Variants in CDH13 observed in about 807,000 individuals in gnomAD.
CDH13 encodes the protein cadherin-13.
CDH13 carries 24 observed loss-of-function variants against 63.8 expected under a neutral mutation model. The observed-to-expected ratio is 0.38, with a 90% CI of 0.27 to 0.53. The LOEUF is 0.53. Ranked by LOEUF, CDH13 falls within the 20% of genes least tolerant of loss-of-function variation. The probability of loss-of-function intolerance (pLI) is 0.85; values close to 1 mark genes in which losing one functional copy is unlikely to be tolerated. For missense variants in CDH13, 1,049 were observed against 903.1 expected, an observed-to-expected ratio of 1.16 and a Z score of -2.07; for synonymous variants, 503 against 355.3, an observed-to-expected ratio of 1.42 and a Z score of -4.67.
chr16:82,717,229 A>G (rs570699291), intron 1 of CDH13, among the ~76,000 whole-genome samples: 1 of 152,136 alleles, frequency 6.6e-6, no homozygotes, highest in East Asian at 1.9e-4. Context: ...AGAGGATGCC[A>G]AATCACATAA....
rs186961581 is a variant in CDH13, at chr16:83,340,465, G to C, written c.637-4397G>C. On this transcript the variant is annotated intron_variant, in intron 5 of 13. Coordinates refer to ENST00000567109, the MANE Select transcript of CDH13 (RefSeq NM_001257.5). ...GTGGCAAGACTCAGCCTCCTGTTTG[G>C]AGCTTATTTTATTTTCCTATAGCTG... Among the ~76,000 whole-genome samples, 535 of 152,266 alleles carry C rather than the reference G, an allele frequency of 3.5e-3. 2 individuals are homozygous for C. The highest frequency in any genetic ancestry group is 5.5e-3 in the Non-Finnish European group (372 of 68,016).
chr16:83,659,407 C>A (rs902857007), intron 8 of CDH13, among the ~76,000 whole-genome samples: 4 of 152,216 alleles, frequency 2.6e-5, no homozygotes, highest in East Asian at 3.9e-4. Flanking sequence ...ACACCAGGTC[C>A]CATGTCCTCA....
At chr16:83,003,773 G>A (rs930463640) in intron 2 of CDH13, among the ~76,000 whole-genome samples, 4 of 152,236 alleles carry the variant, frequency 2.6e-5, no homozygotes, top group African/African-American at 9.6e-5. Flanking sequence ...AGGTTCCTTA[G>A]AATGTTTGCT....
chr16:83,461,077 A>G (rs1477500777), intron 6 of CDH13, among the ~76,000 whole-genome samples: 2 of 152,064 alleles, frequency 1.3e-5, no homozygotes, highest in African/African-American at 4.8e-5. Flanking sequence ...GGCTAAGATC[A>G]TGGAGGAACA....
In CDH13 at chr16:83,406,211, C is replaced by T. The variant is rs139372383; in HGVS notation, c.781+61205C>T. ...TGCTCTCTGCAGGTCCCCAGTAGGACTGAGCTGCGGTAGCGCCCGGTGGTA... is the reference window on the plus strand; with the variant it reads ...TGCTCTCTGCAGGTCCCCAGTAGGATTGAGCTGCGGTAGCGCCCGGTGGTA... On this transcript the variant is annotated intron_variant, in intron 6 of 13. Transcript: ENST00000567109. Among the ~76,000 whole-genome samples the T allele has an allele frequency of 1.9e-3, 295 of 152,324 alleles. 1 individual carries two copies. Among genetic ancestry groups the T allele is most frequent in the Admixed American group, 3.5e-3 (54 of 15,294 alleles).
chr16:83,179,346 CT>C (rs937463559), intron 4 of CDH13, among the ~76,000 whole-genome samples: 3 of 151,866 alleles, frequency 2.0e-5, no homozygotes, highest in Non-Finnish European at 4.4e-5. Flanking sequence ...CATGATTTTA[CT>C]ATCAACAAAA....
At chr16:83,161,519 T>G (rs73604287) in intron 4 of CDH13, among the ~76,000 whole-genome samples, 10 of 152,252 alleles carry the variant, frequency 6.6e-5, no homozygotes, top group Middle Eastern at 6.8e-3. Flanking sequence ...TAGAAACAGA[T>G]AAAGTTCAAG....
chr16:83,565,713 A>T (rs933305251), intron 7 of CDH13, among the ~76,000 whole-genome samples: 1 of 151,518 alleles, frequency 6.6e-6, no homozygotes, highest in African/African-American at 2.4e-5. Context: ...TATTCTTTTC[A>T]GGCTTATGAC....
chr16:83,674,827 T>G lies in CDH13; in HGVS notation c.1285-3381T>G, dbSNP rs548814309. Among the ~76,000 whole-genome samples, 7 of 152,348 alleles carry G rather than the reference T, an allele frequency of 4.6e-5. No individual in the cohort carries two copies. In the South Asian group the frequency reaches 1.5e-3, roughly 32 times the overall value. ...GATTCTAAAACCACCAGAAAGTTAT[T>G]CTTTCAGCTGAATATAATCAACCCT... On this transcript the variant is annotated intron_variant, in intron 9 of 13. Transcript: ENST00000567109.
chr16:82,995,949 C>T (rs534113575), intron 2 of CDH13, among the ~76,000 whole-genome samples: 38 of 152,202 alleles, frequency 2.5e-4, no homozygotes, highest in South Asian at 8.3e-4. Flanking sequence ...ATCCTCATAC[C>T]CTTTATCAAA....
intron 1 of CDH13, among the ~76,000 whole-genome samples, chr16:82,766,193 C>G (rs1046571481): frequency 7.9e-5 from 12 of 152,282 alleles, no homozygotes; most frequent in African/African-American, 2.9e-4. Context: ...GCTAAAAAGT[C>G]TTATTCGTGA....
At chr16:83,400,791 CTTG>C (rs762081368) in intron 6 of CDH13, among the ~76,000 whole-genome samples, 3 of 152,110 alleles carry the variant, frequency 2.0e-5, no homozygotes, top group Non-Finnish European at 4.4e-5. Flanking sequence ...AGTTGCTGCC[CTTG>C]TTGTTTAGAA....
At chr16:83,039,214 G>A (rs796081655) in intron 3 of CDH13, among the ~76,000 whole-genome samples, 62 of 152,254 alleles carry the variant, frequency 4.1e-4, no homozygotes, top group African/African-American at 1.4e-3. Flanking sequence ...TGATCACTTC[G>A]CTCCTCTGCT....
intron 2 of CDH13, among the ~76,000 whole-genome samples, chr16:82,976,829 C>T (rs948388122): frequency 2.6e-5 from 4 of 152,120 alleles, no homozygotes; most frequent in South Asian, 2.1e-4. Flanking sequence ...AGGTGGTACT[C>T]GGAGTTGGCA....
intron 4 of CDH13, among the ~76,000 whole-genome samples, chr16:83,153,477 ATCC>A (rs761438061): frequency 5.3e-5 from 8 of 152,196 alleles, no homozygotes; most frequent in Non-Finnish European, 8.8e-5. Context: ...TAGTAGTCTA[ATCC>A]CCAGGCAAGA....
At chr16:83,010,149 A>AC (rs1356909895) in intron 2 of CDH13, among the ~76,000 whole-genome samples, 4 of 148,548 alleles carry the variant, frequency 2.7e-5, no homozygotes, top group African/African-American at 9.9e-5. Flanking sequence ...AAAAAAAAAA[A>AC]AAAAAAAAAA....
At chr16:83,111,471 A>G (rs553082620) in intron 3 of CDH13, among the ~76,000 whole-genome samples, 3 of 152,348 alleles carry the variant, frequency 2.0e-5, no homozygotes, top group East Asian at 1.9e-4. Context: ...GAGTGAAAGC[A>G]TGATGTGTCT....
At chr16:82,834,739 A>G (rs949774891) in intron 1 of CDH13, among the ~76,000 whole-genome samples, 20 of 152,102 alleles carry the variant, frequency 1.3e-4, no homozygotes, top group African/African-American at 4.8e-4. Flanking sequence ...GGGGATATTC[A>G]CTGGAGATTT....
chr16:83,073,485 C>G (rs1056258834), intron 3 of CDH13, among the ~76,000 whole-genome samples: 8 of 152,044 alleles, frequency 5.3e-5, no homozygotes, highest in Admixed American at 2.0e-4. Flanking sequence ...TAACCTATCA[C>G]AAAAGTTAGG....
Sources: allele counts gnomAD v4.1 joint callset (sites outside exome capture counted in the v4.1 genomes callset), GRCh38; gene constraint gnomAD v4.1.1; transcripts MANE v1.5; gene names NCBI Gene and HGNC (gene_info 2026-07-23, HGNC 2026-07-21).